Variants in ZPLD1 observed in about 807,000 individuals in gnomAD.
ZPLD1 encodes zona pellucida like domain containing 1.
A neutral mutation model predicts 47.2 loss-of-function variants in ZPLD1; 34 were observed. The observed-to-expected ratio is 0.72, with a 90% CI of 0.55 to 0.96. The LOEUF (loss-of-function observed/expected upper bound fraction) is 0.96, where lower values mean the gene tolerates loss of function less well. Among genes scored for constraint, ZPLD1 ranks in the 40% least tolerant of loss-of-function variants. The pLI is 0.00. For synonymous variants in ZPLD1, 176 were observed against 186.2 expected (o/e 0.95, Z 0.45); for missense variants, 512 against 505.8 (o/e 1.01, Z -0.12).
intron 7 of ZPLD1, among the ~76,000 whole-genome samples, chr3:102,396,433 C>G (rs758593750): frequency 2.6e-5 from 4 of 152,030 alleles, no homozygotes; most frequent in Non-Finnish European, 5.9e-5. Context: ...ACACCTTTCA[C>G]GCAGACTAGT....
At chr3:102,452,509 G>T (rs911608319) in intron 3 of ZPLD1, among the ~76,000 whole-genome samples, 1 of 151,980 alleles carries the variant, frequency 6.6e-6, no homozygotes, top group Non-Finnish European at 1.5e-5. Context: ...CCTTATACTT[G>T]GGAAAATGCA....
At chr3:102,417,132 A>T (rs980520289) in intron 7 of ZPLD1, among the ~76,000 whole-genome samples, 1 of 151,956 alleles carries the variant, frequency 6.6e-6, no homozygotes, top group Admixed American at 6.6e-5. Flanking sequence ...ACCCTGAGCC[A>T]ATAGAATAAA....
chr3:102,472,480 C>T (rs149039124), intron 10 of ZPLD1, among the ~76,000 whole-genome samples: 5,332 of 150,158 alleles, frequency 0.036, 259 homozygotes, highest in African/African-American at 0.11. Context: ...TGCAGTGAAC[C>T]GAGATTGTGC....
At chr3:102,407,440 T>TATATAC (rs1559742255) in intron 7 of ZPLD1, among the ~76,000 whole-genome samples, 1 of 96,432 alleles carries the variant, frequency 1.0e-5, no homozygotes, top group African/African-American at 4.2e-5. Context: ...TATATATATA[T>TATATAC]ATACACACAT....
intron 9 of ZPLD1, among the ~76,000 whole-genome samples, chr3:102,470,051 G>A (rs1274673375): frequency 6.6e-6 from 1 of 152,132 alleles, no homozygotes; most frequent in African/African-American, 2.4e-5. Flanking sequence ...ACATTACCTT[G>A]AGTCCATGCT....
chr3:102,411,602 G>T (rs62274726), intron 7 of ZPLD1, among the ~76,000 whole-genome samples: 20,074 of 151,662 alleles, frequency 0.13, 1,404 homozygotes, highest in Middle Eastern at 0.17. Context: ...GATAAAGCTG[G>T]ACAGATAGTG....
At chr3:102,415,696 A>G (rs1706797652) in intron 7 of ZPLD1, among the ~76,000 whole-genome samples, 1 of 151,872 alleles carries the variant, frequency 6.6e-6, no homozygotes. Flanking sequence ...CAAGATCCTA[A>G]AGTACTGACT....
At chr3:102,438,020 G>T (rs1264177975) in intron 2 of ZPLD1, among the ~76,000 whole-genome samples, 2 of 152,076 alleles carry the variant, frequency 1.3e-5, no homozygotes, top group Admixed American at 1.3e-4. Context: ...GTTGTTATTT[G>T]GTCATTAAGA....
intron 4 of ZPLD1, among the ~76,000 whole-genome samples, chr3:102,454,235 G>T (rs1707379079): frequency 6.6e-6 from 1 of 152,144 alleles, no homozygotes. Context: ...CCATTTCCAA[G>T]CCTGCAGCTT....
At chr3:102,434,038 A>C (rs1485363993), upstream of ZPLD1, among the ~76,000 whole-genome samples, 1 of 152,224 alleles carries the variant, frequency 6.6e-6, no homozygotes, top group Non-Finnish European at 1.5e-5. Context: ...GAATAATGTA[A>C]TAATTCCAAA....
At chr3:102,469,212 T>C in intron 9 of ZPLD1, 77 bp downstream of exon 9, 1 of 1,466,004 alleles carries the variant, frequency 6.8e-7, no homozygotes, top group Non-Finnish European at 9.2e-7. Flanking sequence ...AGAAACTAAG[T>C]TCTGCATAGA....
intron 6 of ZPLD1, among the ~76,000 whole-genome samples, chr3:102,390,593 T>C (rs62274718): frequency 0.17 from 26,217 of 152,186 alleles, 2,400 homozygotes; most frequent in African/African-American, 0.24. Flanking sequence ...TCAGTTCCTC[T>C]ACAGAACAGA....
chr3:102,457,738 C>T (rs749300341), intron 5 of ZPLD1, 43 bp from the exon 6 acceptor site: 1 of 1,586,486 alleles, frequency 6.3e-7, no homozygotes, highest in Non-Finnish European at 8.7e-7. Flanking sequence ...CACTTTTACT[C>T]TAAAATCTCA....
exon 6 of ZPLD1, chr3:102,385,252 T>TG (rs1302066261): frequency 6.6e-6 from 1 of 152,304 alleles, no homozygotes; most frequent in Non-Finnish European, 1.5e-5. Context: ...TCAATGCTAT[T>TG]GCCACCCCCA....
intron 7 of ZPLD1, among the ~76,000 whole-genome samples, chr3:102,408,261 G>C (rs1159573279): frequency 6.6e-6 from 1 of 151,632 alleles, no homozygotes; most frequent in Non-Finnish European, 1.5e-5. Flanking sequence ...AGGAGAAAAA[G>C]GGAAAAAATG....
chr3:102,441,149 T>C (rs1005693108), intron 3 of ZPLD1, among the ~76,000 whole-genome samples: 3 of 152,098 alleles, frequency 2.0e-5, no homozygotes, highest in African/African-American at 4.8e-5. Context: ...GAAGGCCAAG[T>C]AATAAAATGA....
rs547106121 is a variant in ZPLD1, at chr3:102,479,396, C to T, written c.*1778C>T. The T allele has an allele frequency of 2.6e-5, 4 of 152,074 alleles. No homozygotes were observed. The highest frequency in any genetic ancestry group is 4.4e-5 in the Non-Finnish European group (3 of 68,006). 9.4% of individuals were successfully genotyped at this position (152,074 alleles called of 1,614,324 possible). A position where few individuals can be genotyped will look rare whatever the true frequency, so the allele number is the denominator to read the frequency against. On this transcript the variant is annotated 3_prime_UTR_variant, in exon 12 of 12. Transcript: ENST00000466937. ...TTTAAGTGAATTGCCATTGATTCTA[C>T]GATTAAGTTCTGTGAATAGGACATT... is the stretch of plus-strand genomic sequence containing the variant.
chr3:102,461,189 C>G (rs1707501773), intron 6 of ZPLD1, among the ~76,000 whole-genome samples: 1 of 151,820 alleles, frequency 6.6e-6, no homozygotes, highest in Admixed American at 6.6e-5. Flanking sequence ...GTTGTCTTTC[C>G]CAATGATTTT....
intron 3 of ZPLD1, among the ~76,000 whole-genome samples, chr3:102,440,944 T>C (rs1225631437): frequency 6.6e-6 from 1 of 152,120 alleles, no homozygotes; most frequent in African/African-American, 2.4e-5. Flanking sequence ...ATGGTACAGA[T>C]GAAGGAGTTA....
Sources: gnomAD v4.1 joint callset for allele counts (sites outside exome capture counted in the v4.1 genomes callset) on GRCh38, gnomAD v4.1.1 for gene constraint, MANE v1.5 for transcripts, NCBI Gene and HGNC (gene_info 2026-07-23, HGNC 2026-07-21) for gene names.